Variants in TMEM123 observed in about 807,000 individuals in gnomAD.
The protein encoded by TMEM123 is transmembrane protein 123.
TMEM123 carries 16 observed loss-of-function variants against 19.7 expected under a neutral mutation model. The observed-to-expected ratio is 0.81, with a 90% CI of 0.55 to 1.23. The LOEUF (loss-of-function observed/expected upper bound fraction) is 1.23. Ranked by LOEUF, TMEM123 falls within the 50% of genes most tolerant of loss-of-function variation. The pLI is 0.00. For synonymous variants in TMEM123, 118 were observed against 99.4 expected (o/e 1.19, Z -1.12); for missense variants, 313 against 257.8 (o/e 1.21, Z -1.47).
At chr11:102,422,403 G>C (rs1952094908) in intron 2 of TMEM123, among the ~76,000 whole-genome samples, 1 of 152,128 alleles carries the variant, frequency 6.6e-6, no homozygotes, top group South Asian at 2.1e-4. Flanking sequence ...GAACCTGGCA[G>C]GGGGAGGTTG....
Position 102,398,852 on chromosome 11 carries a change from G to C in TMEM123, c.*15C>G. ...CAGCATCAATCTGTATTCCATCCTT[G>C]GTCCATGGATTTCCTTAAATGATGG... On this transcript the variant is annotated 3_prime_UTR_variant, in exon 5 of 5. Transcript: ENST00000398136. 1 of 1,610,156 alleles carries C rather than the reference G, an allele frequency of 6.2e-7. No individual in the cohort carries two copies. Among genetic ancestry groups the C allele is most frequent in the East Asian group, 2.2e-5 (1 of 44,726 alleles).
At chr11:102,430,736 C>T (rs1363108452) in intron 2 of TMEM123, among the ~76,000 whole-genome samples, 1 of 152,214 alleles carries the variant, frequency 6.6e-6, no homozygotes, top group East Asian at 1.9e-4. Flanking sequence ...TCATTTAACC[C>T]ATGAGATGGC....
At chr11:102,450,222 G>A (rs545847985) in intron 1 of TMEM123, among the ~76,000 whole-genome samples, 9 of 152,202 alleles carry the variant, frequency 5.9e-5, no homozygotes, top group African/African-American at 1.9e-4. Flanking sequence ...CGCTCTTAAC[G>A]CGATGATTTC....
At position 102,452,759 on chromosome 11, in the gene TMEM123, C is replaced by T. The variant is rs1037897435; in HGVS notation, c.-136G>A. On this transcript the variant is annotated 5_prime_UTR_variant, in exon 1 of 5. Coordinates refer to ENST00000398136, the MANE Select transcript of TMEM123 (RefSeq NM_052932.3). Reference sequence around the variant, plus strand: ...ACGTTTCCCCTCCCGCCGCTTGCCCCCCGAATGACCAAATAGGGCGCAGGA... The same window carrying T: ...ACGTTTCCCCTCCCGCCGCTTGCCCTCCGAATGACCAAATAGGGCGCAGGA... The T allele has an allele frequency of 1.6e-6, 1 of 615,452 alleles. No homozygotes were observed. The highest frequency in any genetic ancestry group is 2.4e-6 in the Non-Finnish European group (1 of 412,962). The allele number at this position is 615,452 out of a possible 1,614,324, so 38.1% of individuals were successfully genotyped here.
At chr11:102,412,382 C>T (rs1257905695) in intron 2 of TMEM123, among the ~76,000 whole-genome samples, 2 of 152,100 alleles carry the variant, frequency 1.3e-5, no homozygotes, top group African/African-American at 2.4e-5. Flanking sequence ...GAGCCGAGAT[C>T]GTACCATTGC....
chr11:102,410,767 G>C (rs552429023), intron 2 of TMEM123, among the ~76,000 whole-genome samples: 1 of 152,130 alleles, frequency 6.6e-6, no homozygotes, highest in African/African-American at 2.4e-5. Context: ...TGCACACACA[G>C]AAGAGACGTG....
intron 2 of TMEM123, chr11:102,448,272 T>C (rs560567949): frequency 2.2e-6 from 1 of 456,278 alleles, no homozygotes; most frequent in African/African-American, 2.0e-5. Context: ...GACATCAGCC[T>C]GGTTCTTGCA....
rs781574262 is a variant in TMEM123, at chr11:102,401,916, T to C, written c.448A>G (p.Ile150Val). Residue 150 changes from isoleucine to valine, a missense_variant and splice_region_variant, in exon 3 of 5, where the codon ATC becomes GTC. Physicochemically the swap from Ile to Val is conservative, Grantham distance 29 (BLOSUM62 3). Transcript: ENST00000398136. ...SVTSAASSVT[I>V]TTTMHSEAKK... ...AAAAAAGGTCAGCTTTAATACATAC[T>C]TGTTACTGATGAAGCAGCAGATGTC... 3 of 1,613,276 alleles carry C rather than the reference T, an allele frequency of 1.9e-6. No individual in the cohort carries two copies. Among genetic ancestry groups the C allele is most frequent in the Admixed American group, 3.3e-5 (2 of 59,996 alleles).
chr11:102,397,670 CTTTCTAAGAA>C lies in TMEM123; in HGVS notation c.*1187_*1196del, dbSNP rs1189740585. On this transcript the variant is annotated 3_prime_UTR_variant, in exon 5 of 5. Transcript: ENST00000398136. Reference sequence around the variant, plus strand: ...TCCTCTCTAAAAATTCCTCTCAAAACTTTCTAAGAATTTATTCTAAAATATTTTGGTGTTT... The same window carrying C: ...TCCTCTCTAAAAATTCCTCTCAAAACTTTATTCTAAAATATTTTGGTGTTT... 6.6e-6 allele frequency: 1 copy of C among 152,154 alleles called. No individual in the cohort carries two copies. Among genetic ancestry groups the C allele is most frequent in the African/African-American group, 2.4e-5 (1 of 41,442 alleles). 9.4% of individuals were successfully genotyped at this position (152,154 alleles called of 1,614,324 possible). A position where few individuals can be genotyped will look rare whatever the true frequency, so the allele number is the denominator to read the frequency against.
chr11:102,406,740 G>A (rs549693206), intron 2 of TMEM123, among the ~76,000 whole-genome samples: 2 of 151,864 alleles, frequency 1.3e-5, no homozygotes, highest in Admixed American at 6.6e-5. Flanking sequence ...GCATGGTGGC[G>A]GGCGCCTGTA....
chr11:102,406,294 AGAG>A (rs1179104207), intron 2 of TMEM123, among the ~76,000 whole-genome samples: 1 of 152,146 alleles, frequency 6.6e-6, no homozygotes, highest in Admixed American at 6.6e-5. Context: ...ATGGGGGTAA[AGAG>A]GAGAATGCCA....
intron 4 of TMEM123, among the ~76,000 whole-genome samples, chr11:102,399,831 G>T (rs559597371): frequency 1.3e-5 from 2 of 152,088 alleles, no homozygotes; most frequent in South Asian, 4.1e-4. Context: ...TTAGCTGGGC[G>T]TGGTGGTAGG....
chr11:102,403,096 C>T (rs998538466), intron 2 of TMEM123, among the ~76,000 whole-genome samples: 7 of 151,906 alleles, frequency 4.6e-5, no homozygotes, highest in African/African-American at 7.3e-5. Context: ...ATGCAACCTC[C>T]GCCTCCTGGG....
At chr11:102,415,049 T>C (rs774200806) in intron 2 of TMEM123, among the ~76,000 whole-genome samples, 3 of 152,178 alleles carry the variant, frequency 2.0e-5, no homozygotes, top group African/African-American at 4.8e-5. Context: ...GCTATTCTTA[T>C]TTCAGACAAA....
rs762888807 is a variant in TMEM123 at position 102,401,994 on chromosome 11, T to G, written c.370A>C (p.Asn124His). ...GTGGATGTTGATATCTGAGATGTGT[T>G]CTGTGAAACACTTGTTGTTTTGGGT... ...STPKTTSVSQ[N>H]TSQISTSTMT... is the part of the protein sequence containing the mutation. Residue 124 changes from asparagine to histidine, a missense_variant, in exon 3 of 5, where the codon AAC becomes CAC. Physicochemically the swap from Asn to His is moderately conservative, Grantham distance 68 (BLOSUM62 1). Coordinates refer to ENST00000398136, the MANE Select transcript of TMEM123 (RefSeq NM_052932.3). 5.0e-6 allele frequency: 8 copies of G among 1,614,228 alleles called. No individual in the cohort carries two copies. Among genetic ancestry groups the G allele is most frequent in the Non-Finnish European group, 6.8e-6 (8 of 1,180,032 alleles).
At chr11:102,431,145 A>C (rs530186236) in intron 2 of TMEM123, among the ~76,000 whole-genome samples, 2 of 152,302 alleles carry the variant, frequency 1.3e-5, no homozygotes, top group South Asian at 4.1e-4. Context: ...AAAAAAGAAA[A>C]ACTAAAAATA....
At chr11:102,430,749 T>G (rs1857690416) in intron 2 of TMEM123, among the ~76,000 whole-genome samples, 1 of 152,242 alleles carries the variant, frequency 6.6e-6, no homozygotes, top group Admixed American at 6.5e-5. Context: ...GAGATGGCTA[T>G]ACTCTCTTAG....
At chr11:102,419,023 GGGA>G (rs1952062812) in intron 2 of TMEM123, among the ~76,000 whole-genome samples, 2 of 152,314 alleles carry the variant, frequency 1.3e-5, no homozygotes, top group African/African-American at 2.4e-5. Context: ...GGTAGGACCA[GGGA>G]GGAGGATGAG....
In TMEM123 at chr11:102,398,739, T is replaced by C; in HGVS notation, c.*128A>G. The C allele has an allele frequency of 1.1e-6, 1 of 916,936 alleles. No homozygotes were observed. Among genetic ancestry groups the C allele is most frequent in the Non-Finnish European group, 1.7e-6 (1 of 587,908 alleles). The allele number at this position is 916,936 out of a possible 1,614,324, so 56.8% of individuals were successfully genotyped here. On this transcript the variant is annotated 3_prime_UTR_variant, in exon 5 of 5. Transcript: ENST00000398136. ...ATCTTTACATATTTACGTAATACAC[T>C]GTACATTATATGCATGGCCTGTTTA...
Sources: allele counts gnomAD v4.1 joint callset (sites outside exome capture counted in the v4.1 genomes callset), GRCh38; gene constraint gnomAD v4.1.1; transcripts MANE v1.5; gene names NCBI Gene and HGNC (gene_info 2026-07-23, HGNC 2026-07-21).